The following ADAMTS15 variants were observed in gnomAD, a reference collection of about 807,000 sequenced individuals.
ADAMTS15 encodes the protein A disintegrin and metalloproteinase with thrombospondin motifs 15.
A neutral mutation model predicts 79.1 loss-of-function variants in ADAMTS15; 35 were observed. That is an observed-to-expected ratio of 0.44 (90% CI 0.34 to 0.59). The LOEUF is 0.59. Among genes scored for constraint, ADAMTS15 ranks in the 20% least tolerant of loss-of-function variants. ADAMTS15 has a pLI of 0.02. For synonymous variants in ADAMTS15, 616 were observed against 567.3 expected (o/e 1.09, Z -1.22); for missense variants, 1,324 against 1,318.7 (o/e 1.00, Z -0.06).
intron 1 of ADAMTS15, chr11:130,450,478 C>A (rs1050067254): frequency 1.4e-5 from 14 of 978,880 alleles, no homozygotes; most frequent in Non-Finnish European, 1.7e-5. Flanking sequence ...TGGAGGGAAT[C>A]ATTGAGAGAT....
chr11:130,471,360 G>T lies in ADAMTS15; in HGVS notation c.2055G>T (p.Val685=). The change falls in exon 7 of 8, where the codon GTG becomes GTT. Residue 685 remains valine, a synonymous_variant. Transcript: ENST00000299164. The part of the protein sequence containing the change: ...CGGDNKSCKK[V]TGLFTKPMHG... Reference sequence around the variant, plus strand: ...GAGACAATAAGAGCTGCAAGAAGGTGACTGGACTCTTCACCAAGCCCATGT... The same window carrying T: ...GAGACAATAAGAGCTGCAAGAAGGTTACTGGACTCTTCACCAAGCCCATGT... The T allele has an allele frequency of 6.2e-7, 1 of 1,610,096 alleles. No individual in the cohort carries two copies.
At chr11:130,467,154 A>C (rs901696156) in intron 4 of ADAMTS15, among the ~76,000 whole-genome samples, 2 of 152,246 alleles carry the variant, frequency 1.3e-5, no homozygotes, top group African/African-American at 4.8e-5. Context: ...AATAAAAACC[A>C]GGTAGCATTG....
At position 130,462,475 on chromosome 11, in the gene ADAMTS15, G is replaced by A. The variant is rs369873244; in HGVS notation, c.1259-22G>A. ...CCTCATCTTCCCAGCTCATCCTAAC[G>A]AACGCCCTCGGCTCTCTGCAGGTGA... On this transcript the variant is annotated intron_variant, in intron 3 of 7. Transcript: ENST00000299164. The surrounding 1 kb of genome is among the most constrained non-coding windows in gnomAD (Gnocchi z 4.3). 35 of 1,562,392 alleles carry A rather than the reference G, an allele frequency of 2.2e-5. No individual in the cohort carries two copies. In the African/African-American group the frequency reaches 2.6e-4, roughly 11 times the overall value.
At position 130,462,598 on chromosome 11, in the gene ADAMTS15, G is replaced by A. The variant is rs535808287; in HGVS notation, c.1360G>A (p.Val454Met). 5.3e-5 allele frequency: 86 copies of A among 1,613,774 alleles called. No homozygotes were observed. The highest frequency in any genetic ancestry group is 3.1e-4 in the East Asian group (14 of 44,862). ...CCAGCAGTGCGAGCTGGCTTTTGGC[G>A]TGGGCTCCAAGCCCTGTCCTTACAT... ...LSQQCELAFG[V>M]GSKPCPYMQY... The change falls in exon 4 of 8, where the codon GTG becomes ATG. Residue 454 changes from valine to methionine, a missense_variant. Transcript: ENST00000299164. The surrounding 1 kb of genome is among the most constrained non-coding windows in gnomAD (Gnocchi z 4.3).
At chr11:130,463,824 G>A (rs1565395161) in intron 4 of ADAMTS15, among the ~76,000 whole-genome samples, 1 of 152,198 alleles carries the variant, frequency 6.6e-6, no homozygotes, top group African/African-American at 2.4e-5. Context: ...AAGTGGGGAA[G>A]CTCGAATTGT....
intron 5 of ADAMTS15, among the ~76,000 whole-genome samples, chr11:130,469,848 A>G (rs534223688): frequency 2.0e-5 from 3 of 151,998 alleles, no homozygotes; most frequent in Admixed American, 2.0e-4. Flanking sequence ...ACAAAATTAC[A>G]TCTCTATTTT....
At chr11:130,463,069 G>T (rs1268773395) in intron 4 of ADAMTS15, among the ~76,000 whole-genome samples, 1 of 152,226 alleles carries the variant, frequency 6.6e-6, no homozygotes, top group Non-Finnish European at 1.5e-5. Context: ...CTGAGCTCCG[G>T]GCCTCGTCCT....
intron 4 of ADAMTS15, among the ~76,000 whole-genome samples, chr11:130,464,824 G>A (rs1938268909): frequency 6.6e-6 from 1 of 151,936 alleles, no homozygotes; most frequent in East Asian, 1.9e-4. Context: ...CAAATTAGTG[G>A]GATGTGGTGG....
chr11:130,452,444 A>T (rs1937985093), intron 1 of ADAMTS15, among the ~76,000 whole-genome samples: 1 of 152,090 alleles, frequency 6.6e-6, no homozygotes, highest in African/African-American at 2.4e-5. Flanking sequence ...TGAGGAGAAA[A>T]GTTTCTTTGG....
chr11:130,473,250 G>T lies in ADAMTS15; in HGVS notation c.2282G>T (p.Gly761Val). The T allele has an allele frequency of 6.2e-7, 1 of 1,613,568 alleles. No individual in the cohort carries two copies. Among genetic ancestry groups the T allele is most frequent in the South Asian group, 1.1e-5 (1 of 91,086 alleles). The change falls in exon 8 of 8, where the codon GGC (glycine) becomes GTC (valine). Residue 761 changes from glycine (G) to valine (V), a missense_variant. Coordinates refer to ENST00000299164, the MANE Select transcript of ADAMTS15 (RefSeq NM_139055.4). ...VVKGSLLRYS[G>V]TGTAVESLQA... ...AAGGGCAGTCTGCTGCGGTACAGCG[G>T]CACGGGCACAGCGGTGGAGAGCCTG...
intron 2 of ADAMTS15, among the ~76,000 whole-genome samples, chr11:130,461,876 C>T (rs1435695810): frequency 1.3e-5 from 2 of 152,158 alleles, no homozygotes; most frequent in Admixed American, 1.3e-4. Context: ...CAAGGAGGTA[C>T]ACTCTGTTGT....
chr11:130,458,172 C>A (rs1266571471), intron 1 of ADAMTS15, among the ~76,000 whole-genome samples: 2 of 152,194 alleles, frequency 1.3e-5, no homozygotes, highest in African/African-American at 4.8e-5. Context: ...CAGACGCCCT[C>A]TAGATCCCAG....
rs149595264 is a variant in ADAMTS15 at position 130,449,253 on chromosome 11, G to A, written c.280G>A (p.Gly94Ser). ...CGTCCCCCTCCAGGGGCTCACCGGG[G>A]GCTCTTCAGACCTGCGACGCTGCTT... Reference protein sequence around the residue: ...LGVPLQGLTGGSSDLRRCFYS... With the variant: ...LGVPLQGLTGSSSDLRRCFYS... The change falls in exon 1 of 8, where the codon GGC becomes AGC. Residue 94 changes from glycine (G) to serine (S), a missense_variant. Gly to Ser is a moderately conservative substitution (Grantham distance 56). Coordinates refer to ENST00000299164, the MANE Select transcript of ADAMTS15 (RefSeq NM_139055.4). This position sits in a 1 kb window ranked among gnomAD's most constrained non-coding sequence, Gnocchi z 7.8. 1.9e-6 allele frequency: 3 copies of A among 1,613,378 alleles called. No homozygotes were observed. The highest frequency in any genetic ancestry group is 8.5e-7 in the Non-Finnish European group (1 of 1,180,030).
At position 130,473,483 on chromosome 11, in the gene ADAMTS15, C is replaced by A; in HGVS notation, c.2515C>A (p.Pro839Thr). The change falls in exon 8 of 8, where the codon CCC becomes ACC. Residue 839 changes from proline (P) to threonine (T), a missense_variant. By Grantham distance (38) the Pro-to-Thr change is conservative (BLOSUM62 -1). Coordinates refer to ENST00000299164, the MANE Select transcript of ADAMTS15 (RefSeq NM_139055.4). The part of the protein sequence containing the change: ...SNQVEQPDDR[P>T]PARWVAGSWG... ...CCAGGTGGAGCAGCCGGACGACAGG[C>A]CCCCTGCACGCTGGGTGGCTGGCAG... 6.2e-7 allele frequency: 1 copy of A among 1,611,286 alleles called. No homozygotes were observed. The highest frequency in any genetic ancestry group is 8.5e-7 in the Non-Finnish European group (1 of 1,178,900).
intron 5 of ADAMTS15, among the ~76,000 whole-genome samples, chr11:130,469,787 C>A (rs1289565325): frequency 1.3e-5 from 2 of 152,076 alleles, no homozygotes; most frequent in Non-Finnish European, 2.9e-5. Context: ...GAGGCCTGCC[C>A]AGCCCATCTT....
intron 4 of ADAMTS15, among the ~76,000 whole-genome samples, chr11:130,465,097 G>A (rs1938274448): frequency 6.6e-6 from 1 of 152,032 alleles, no homozygotes; most frequent in African/African-American, 2.4e-5. Flanking sequence ...CCAACCTCCT[G>A]AACCGTTAGT....
In ADAMTS15 at chr11:130,474,937, C is replaced by G. The variant is rs1938547727; in HGVS notation, c.*1116C>G. 1 of 152,350 alleles carries G rather than the reference C, an allele frequency of 6.6e-6. No individual in the cohort carries two copies. Among genetic ancestry groups the G allele is most frequent in the African/African-American group, 2.4e-5 (1 of 41,452 alleles). The allele number at this position is 152,350 out of a possible 1,614,324, so 9.4% of individuals were successfully genotyped here. On this transcript the variant is annotated 3_prime_UTR_variant, in exon 8 of 8. Transcript: ENST00000299164. ...TGTGCCTATAAACTCGTCTTCGTTC[C>G]AAACAGCTACTGCTGTCTGCCCTGG...
chr11:130,473,339 C>T lies in ADAMTS15; in HGVS notation c.2371C>T (p.Pro791Ser). The T allele has an allele frequency of 6.2e-7, 1 of 1,612,952 alleles. No homozygotes were observed. The highest frequency in any genetic ancestry group is 8.5e-7 in the Non-Finnish European group (1 of 1,180,000). ...GGTCCTCTCCGTGGGGAAGATGACA[C>T]CGCCCCGGGTCCGCTACTCCTTCTA... ...VEVLSVGKMT[P>S]PRVRYSFYLP... Residue 791 changes from proline (P) to serine (S), a missense_variant, in exon 8 of 8, where the codon CCG becomes TCG. By Grantham distance (74) the Pro-to-Ser change is moderately conservative. Coordinates refer to ENST00000299164, the MANE Select transcript of ADAMTS15 (RefSeq NM_139055.4).
At chr11:130,470,170 A>ATATATGTG (rs1555081049) in intron 5 of ADAMTS15, among the ~76,000 whole-genome samples, 2 of 58,166 alleles carry the variant, frequency 3.4e-5, no homozygotes, top group African/African-American at 1.9e-4. Context: ...ATATATATAT[A>ATATATGTG]TATATATATA....
Sources: gnomAD v4.1 joint callset for allele counts (sites outside exome capture counted in the v4.1 genomes callset) on GRCh38, gnomAD v4.1.1 for gene constraint, Gnocchi (gnomAD v3.1) non-coding constraint, MANE v1.5 for transcripts, NCBI Gene and HGNC (gene_info 2026-07-23, HGNC 2026-07-21) for gene names.